Variants in SLA observed in about 807,000 individuals in gnomAD.
SLA encodes src-like-adapter.
Under a neutral mutation model 30.3 loss-of-function variants are expected in SLA, and 16 were observed. The ratio of observed to expected loss-of-function variants is 0.53; its 90% confidence interval spans 0.36 to 0.80. The LOEUF is 0.80. SLA is among the 30% of genes least tolerant of loss of function. The probability of loss-of-function intolerance (pLI) is 0.01; values close to 1 mark genes in which losing one functional copy is unlikely to be tolerated. For synonymous variants in SLA, 143 were observed against 137.8 expected (o/e 1.04, Z -0.26); for missense variants, 310 against 345.2 (o/e 0.90, Z 0.81).
intron 6 of SLA, 87 bp from the exon 7 acceptor site, chr8:133,045,202 G>A: frequency 7.0e-7 from 1 of 1,438,050 alleles, no homozygotes. Context: ...ACTGAGGCAG[G>A]GAGACCTGCC....
chr8:133,094,385 C>T lies in SLA; in HGVS notation c.-319+8168G>A, dbSNP rs554557090. 1.3e-4 allele frequency among the ~76,000 whole-genome samples: 20 copies of T among 151,856 alleles called. No homozygotes were observed. In the South Asian group the frequency reaches 1.9e-3, roughly 14 times the overall value. On this transcript the variant is annotated intron_variant, in intron 1 of 8. Transcript: ENST00000338087. Reference sequence around the variant, plus strand: ...CCTCCCAAGTAGCAGGGACTACAGGCGCCCGTCACCACGCCTGGCTAGTTT... The same window carrying T: ...CCTCCCAAGTAGCAGGGACTACAGGTGCCCGTCACCACGCCTGGCTAGTTT...
intron 7 of SLA, 78 bp from the exon 8 acceptor site, chr8:133,040,208 T>A: frequency 6.8e-7 from 1 of 1,468,396 alleles, no homozygotes. Context: ...TGAGACACTC[T>A]CCAGTGCAGC....
intron 2 of SLA, among the ~76,000 whole-genome samples, chr8:133,067,088 GA>G (rs1843140326): frequency 6.6e-6 from 1 of 152,148 alleles, no homozygotes. Flanking sequence ...TTCCTTTCAG[GA>G]AAAATAAGAG....
intron 7 of SLA, among the ~76,000 whole-genome samples, chr8:133,043,559 C>T (rs554660526): frequency 1.3e-5 from 2 of 152,282 alleles, no homozygotes; most frequent in African/African-American, 4.8e-5. Flanking sequence ...TTAATAATCA[C>T]CTGCTAGGAG....
intron 2 of SLA, chr8:133,064,097 G>A (rs1338314060): frequency 2.0e-5 from 3 of 152,162 alleles, no homozygotes; most frequent in African/African-American, 7.2e-5. Context: ...TCATAGAATC[G>A]TAACTGCTAT....
chr8:133,061,455 G>A (rs191166984), intron 2 of SLA, among the ~76,000 whole-genome samples: 28 of 152,316 alleles, frequency 1.8e-4, no homozygotes, highest in Admixed American at 1.6e-3. Context: ...TCTGTTTACT[G>A]ATTGTCCTTA....
rs1489834038 is a variant in SLA at position 133,037,460 on chromosome 8, C to CGAT, written c.*1061_*1063dup. ...AAAAATCCAGCTATTCTTACCTACC[C>CGAT]GATCCAGCCAGCCCTTCCACTCTGA... On this transcript the variant is annotated 3_prime_UTR_variant, in exon 9 of 9. Transcript: ENST00000338087. The CGAT allele has an allele frequency of 1.3e-5, 2 of 152,288 alleles. No individual in the cohort carries two copies. Among genetic ancestry groups the CGAT allele is most frequent in the African/African-American group, 4.8e-5 (2 of 41,566 alleles). 9.4% of individuals were successfully genotyped at this position (152,288 alleles called of 1,614,324 possible). A position where few individuals can be genotyped will look rare whatever the true frequency, so the allele number is the denominator to read the frequency against.
intron 3 of SLA, among the ~76,000 whole-genome samples, chr8:133,057,786 A>AC (rs1382701176): frequency 1.3e-5 from 2 of 151,926 alleles, no homozygotes; most frequent in African/African-American, 4.8e-5. Flanking sequence ...AAAAAAAAAA[A>AC]ACAAAAAAAC....
chr8:133,086,357 A>T (rs1473187947), intron 1 of SLA, among the ~76,000 whole-genome samples: 1 of 152,244 alleles, frequency 6.6e-6, no homozygotes. Flanking sequence ...TATGTGAATT[A>T]TATCACAATA....
At chr8:133,095,290 A>C (rs994690972) in intron 1 of SLA, 743 of 1,582,920 alleles carry the variant, frequency 4.7e-4, no homozygotes, top group East Asian at 4.0e-3. Context: ...AGGAGGTGTC[A>C]CCCACCCCAG....
intron 1 of SLA, among the ~76,000 whole-genome samples, chr8:133,093,469 G>A (rs1192446512): frequency 6.6e-6 from 1 of 152,118 alleles, no homozygotes; most frequent in Non-Finnish European, 1.5e-5. Context: ...TTGTCTAAGC[G>A]GTTAAGGACA....
At chr8:133,091,467 G>A (rs1031818835) in intron 1 of SLA, among the ~76,000 whole-genome samples, 3 of 152,124 alleles carry the variant, frequency 2.0e-5, no homozygotes, top group Non-Finnish European at 4.4e-5. Context: ...TGCCCACCCC[G>A]CTTCTTGTTG....
chr8:133,074,000 G>T (rs1192689861), intron 2 of SLA, among the ~76,000 whole-genome samples: 1 of 152,026 alleles, frequency 6.6e-6, no homozygotes, highest in East Asian at 1.9e-4. Flanking sequence ...ACACCCCCAT[G>T]CACAGCCCCA....
chr8:133,092,250 C>T (rs971879827), intron 1 of SLA, among the ~76,000 whole-genome samples: 9 of 152,248 alleles, frequency 5.9e-5, no homozygotes, highest in South Asian at 2.1e-4. Flanking sequence ...GCCCTGACTC[C>T]GAAGCAACTA....
chr8:133,097,591 A>G (rs1246286657), intron 1 of SLA, among the ~76,000 whole-genome samples: 1 of 152,262 alleles, frequency 6.6e-6, no homozygotes, highest in Non-Finnish European at 1.5e-5. Flanking sequence ...GATAGCATTC[A>G]TATTTTTAAA....
intron 1 of SLA, among the ~76,000 whole-genome samples, chr8:133,101,852 G>A (rs972252270): frequency 6.8e-6 from 1 of 147,046 alleles, no homozygotes; most frequent in Non-Finnish European, 1.5e-5. Flanking sequence ...CAGCTGGAGT[G>A]ACACAATGGC....
At chr8:133,092,877 A>G (rs1847788419) in intron 1 of SLA, among the ~76,000 whole-genome samples, 1 of 152,366 alleles carries the variant, frequency 6.6e-6, no homozygotes, top group East Asian at 1.9e-4. Flanking sequence ...TAAACAAAAT[A>G]CTTTAAGAGA....
At chr8:133,073,779 C>T (rs79328483) in intron 2 of SLA, among the ~76,000 whole-genome samples, 3,308 of 152,158 alleles carry the variant, frequency 0.022, 99 homozygotes, top group Non-Finnish European at 0.027. Context: ...CGCTGAGGCT[C>T]CCCCAACCCT....
intron 1 of SLA, among the ~76,000 whole-genome samples, chr8:133,077,752 T>C (rs1845121416): frequency 6.6e-6 from 1 of 151,380 alleles, no homozygotes; most frequent in Non-Finnish European, 1.5e-5. Flanking sequence ...TGTGTGTGTG[T>C]GTGTGTGTGT....
Sources: allele counts gnomAD v4.1 joint callset (sites outside exome capture counted in the v4.1 genomes callset), GRCh38; gene constraint gnomAD v4.1.1; transcripts MANE v1.5; gene names NCBI Gene and HGNC (gene_info 2026-07-23, HGNC 2026-07-21).